FAM3B: variants seen among roughly 807,000 people sequenced by gnomAD.
FAM3B encodes protein FAM3B.
Under a neutral mutation model 28.4 loss-of-function variants are expected in FAM3B, and 29 were observed. The ratio of observed to expected loss-of-function variants is 1.02; its 90% CI spans 0.76 to 1.39. The LOEUF (loss-of-function observed/expected upper bound fraction) is 1.39. Among genes scored for constraint, FAM3B ranks in the 40% most tolerant of loss-of-function variants. The pLI is 0.00. For synonymous variants in FAM3B, 91 were observed against 103.0 expected (o/e 0.88, Z 0.71); for missense variants, 266 against 293.9 (o/e 0.91, Z 0.69).
chr21:41,314,740 T>C (rs1213359002), upstream of FAM3B, among the ~76,000 whole-genome samples: 5 of 145,608 alleles, frequency 3.4e-5, no homozygotes, highest in African/African-American at 1.3e-4. Context: ...TATCACTTCA[T>C]ACCCATTAGG....
rs1032996106 is a variant in FAM3B, at chr21:41,326,870, C to A, written c.163+3804C>A. Among the ~76,000 whole-genome samples, 1 of 152,234 alleles carries A rather than the reference C, an allele frequency of 6.6e-6. No homozygotes were observed. The highest frequency in any genetic ancestry group is 1.5e-5 in the Non-Finnish European group (1 of 68,032). On this transcript the variant is annotated intron_variant, in intron 2 of 7. Coordinates refer to ENST00000357985, the MANE Select transcript of FAM3B (RefSeq NM_058186.4). The surrounding 1 kb of genome is among the most constrained non-coding windows in gnomAD (Gnocchi z 4.0). Reference sequence around the variant, plus strand: ...AGCCCACTGTTCTGCACCTGGGGCCCTTTTCACCCAAGCTCCTCGTTTCCC... The same window carrying A: ...AGCCCACTGTTCTGCACCTGGGGCCATTTTCACCCAAGCTCCTCGTTTCCC...
At chr21:41,304,642 G>C (rs1601340827) in intron 1 of FAM3B, among the ~76,000 whole-genome samples, 1 of 152,180 alleles carries the variant, frequency 6.6e-6, no homozygotes. Flanking sequence ...TGCAGGCAGC[G>C]GGTGGGCACT....
Position 41,342,439 on chromosome 21 carries a change from C to A in FAM3B, c.288-2037C>A, listed in dbSNP as rs189761857. Among the ~76,000 whole-genome samples the A allele has an allele frequency of 6.6e-5, 10 of 152,286 alleles. No individual in the cohort carries two copies. In the East Asian group the frequency reaches 1.9e-3, roughly 29 times the overall value. On this transcript the variant is annotated intron_variant, in intron 3 of 7. Coordinates refer to ENST00000357985, the MANE Select transcript of FAM3B (RefSeq NM_058186.4). Reference sequence around the variant, plus strand: ...TTCTGCCCATTCACTTTCTCCTCTTCTTCTGAGATTCTTAATGAAACATAT... The same window carrying A: ...TTCTGCCCATTCACTTTCTCCTCTTATTCTGAGATTCTTAATGAAACATAT...
chr21:41,347,801 C>G (rs2089078788), intron 6 of FAM3B, among the ~76,000 whole-genome samples: 1 of 147,278 alleles, frequency 6.8e-6, no homozygotes, highest in South Asian at 2.2e-4. Context: ...CACACATACA[C>G]ATTCAATACT....
At chr21:41,349,107 A>C (rs2089091030) in intron 7 of FAM3B, among the ~76,000 whole-genome samples, 1 of 152,374 alleles carries the variant, frequency 6.6e-6, no homozygotes, top group Non-Finnish European at 1.5e-5. Context: ...GCTGGACACC[A>C]AATCAACACT....
At chr21:41,354,963 C>A (rs2089153267) in intron 7 of FAM3B, among the ~76,000 whole-genome samples, 1 of 152,064 alleles carries the variant, frequency 6.6e-6, no homozygotes, top group African/African-American at 2.4e-5. Context: ...AGAACTCTTA[C>A]AACTCAATAA....
intron 2 of FAM3B, among the ~76,000 whole-genome samples, chr21:41,328,351 A>G (rs375153759): frequency 3.0e-4 from 46 of 152,344 alleles, no homozygotes; most frequent in African/African-American, 1.1e-3. Context: ...GCGAATACCT[A>G]GGTAATGAGT....
rs544716895 is a variant in FAM3B at position 41,353,408 on chromosome 21, C to T, written c.619-3700C>T. Among the ~76,000 whole-genome samples, 8 of 152,284 alleles carry T rather than the reference C, an allele frequency of 5.3e-5. No individual in the cohort carries two copies. In the East Asian group the frequency reaches 1.5e-3, roughly 29 times the overall value. ...CACATGTTCCAATTTCAAAACATAA[C>T]ACAAAGCTGCTGTGATTGAGATACT... On this transcript the variant is annotated intron_variant, in intron 7 of 7. Coordinates refer to ENST00000357985, the MANE Select transcript of FAM3B (RefSeq NM_058186.4).
intron 2 of FAM3B, among the ~76,000 whole-genome samples, chr21:41,331,539 A>G (rs1215292227): frequency 6.6e-6 from 1 of 151,914 alleles, no homozygotes; most frequent in Non-Finnish European, 1.5e-5. Flanking sequence ...CTTTTCCCTT[A>G]TATTTTATCT....
chr21:41,318,330 G>A (rs370045283), intron 1 of FAM3B, among the ~76,000 whole-genome samples: 4 of 152,300 alleles, frequency 2.6e-5, no homozygotes, highest in African/African-American at 9.6e-5. Context: ...TCAGGCAGAC[G>A]TTCCCAGGAG....
At chr21:41,350,035 C>A (rs1027607843) in intron 7 of FAM3B, among the ~76,000 whole-genome samples, 5 of 152,188 alleles carry the variant, frequency 3.3e-5, no homozygotes, top group Non-Finnish European at 7.3e-5. Context: ...TGGTGGGGCT[C>A]CTTGGGCCCC....
chr21:41,322,750 A>G (rs1294435236), intron 1 of FAM3B, 173 bp from the exon 2 acceptor site: 1 of 822,406 alleles, frequency 1.2e-6, no homozygotes, highest in East Asian at 2.6e-5. Context: ...TGTCTACTTC[A>G]AAGGTCCTGA....
intron 2 of FAM3B, among the ~76,000 whole-genome samples, chr21:41,335,066 G>C (rs1385835904): frequency 6.6e-6 from 1 of 152,180 alleles, no homozygotes; most frequent in Admixed American, 6.5e-5. Flanking sequence ...TTTTAAAGTG[G>C]AAATATTTTA....
chr21:41,309,725 A>G (rs760217941), intron 1 of FAM3B, among the ~76,000 whole-genome samples: 8 of 152,236 alleles, frequency 5.3e-5, no homozygotes, highest in South Asian at 2.1e-4. Context: ...CAGAACCAAC[A>G]AGACCAGTTT....
upstream of FAM3B, among the ~76,000 whole-genome samples, chr21:41,314,327 T>G (rs1601345547): frequency 6.6e-6 from 1 of 152,236 alleles, no homozygotes; most frequent in East Asian, 1.9e-4. Context: ...AAATGTGTGC[T>G]GTTTAAGTCC....
chr21:41,352,651 AGGCAT>A (rs2089131053), intron 7 of FAM3B, among the ~76,000 whole-genome samples: 1 of 151,946 alleles, frequency 6.6e-6, no homozygotes, highest in African/African-American at 2.4e-5. Context: ...CAAATTAGCC[AGGCAT>A]GGTGGCGGGC....
At chr21:41,310,546 G>A (rs922808911) in intron 1 of FAM3B, among the ~76,000 whole-genome samples, 1 of 152,188 alleles carries the variant, frequency 6.6e-6, no homozygotes, top group Non-Finnish European at 1.5e-5. Flanking sequence ...ACATCTGGCT[G>A]ATTGAACTGA....
chr21:41,334,526 T>TG (rs1316457719), intron 2 of FAM3B, among the ~76,000 whole-genome samples: 2 of 152,180 alleles, frequency 1.3e-5, no homozygotes, highest in South Asian at 4.2e-4. Flanking sequence ...GCCATAAGCC[T>TG]GGGGGGTATT....
chr21:41,316,955 G>T, intron 1 of FAM3B, 57 bp downstream of exon 1: 1 of 1,270,510 alleles, frequency 7.9e-7, no homozygotes. Context: ...GACCCCAGGG[G>T]AAGCGTCGCT....
Sources: gnomAD v4.1 joint callset for allele counts (sites outside exome capture counted in the v4.1 genomes callset) on GRCh38, gnomAD v4.1.1 for gene constraint, Gnocchi (gnomAD v3.1) non-coding constraint, MANE v1.5 for transcripts, NCBI Gene and HGNC (gene_info 2026-07-23, HGNC 2026-07-21) for gene names.